The following ZNF536 variants were observed in gnomAD, a reference collection of about 807,000 sequenced individuals.
ZNF536 encodes zinc finger protein 536.
ZNF536 carries 13 observed loss-of-function variants against 84.5 expected under a neutral mutation model. The observed-to-expected ratio is 0.15, with a 90% CI of 0.10 to 0.24. The LOEUF (loss-of-function observed/expected upper bound fraction) is 0.24, where lower values mean the gene tolerates loss of function less well. ZNF536 is among the 10% of genes least tolerant of loss of function. ZNF536 has a pLI of 1.00. For missense variants in ZNF536, 1,536 were observed against 1,747.5 expected, an observed-to-expected ratio of 0.88 and a Z score of 2.16; for synonymous variants, 811 against 742.5, an observed-to-expected ratio of 1.09 and a Z score of -1.50.
Position 30,324,123 on chromosome 19 carries a change from C to A in ZNF536, c.-119-28245C>A, listed in dbSNP as rs554488691. Among the ~76,000 whole-genome samples, 116 of 151,816 alleles carry A rather than the reference C, an allele frequency of 7.6e-4. 1 individual carries two copies. The highest frequency in any genetic ancestry group is 5.7e-4 in the Non-Finnish European group (39 of 67,958). ...TATCATCCATCATCATCCATCTGTCCATCCATCTACCCATGCATCATCCAT... is the reference window on the plus strand; with the variant it reads ...TATCATCCATCATCATCCATCTGTCAATCCATCTACCCATGCATCATCCAT... On this transcript the variant is annotated intron_variant, in intron 2 of 5. Transcript: ENST00000585628.
chr19:30,520,727 G>C (rs1251704651), intron 2 of ZNF536, among the ~76,000 whole-genome samples: 1 of 152,084 alleles, frequency 6.6e-6, no homozygotes, highest in Admixed American at 6.6e-5. Context: ...ACCACCTGCT[G>C]GTTTGCTGTT....
intron 1 of ZNF536, among the ~76,000 whole-genome samples, chr19:30,373,199 C>T (rs1455760531): frequency 6.6e-6 from 1 of 152,106 alleles, no homozygotes; most frequent in Non-Finnish European, 1.5e-5. Context: ...TTTTCTTCCC[C>T]CCGACCTTTT....
chr19:30,290,369 C>T (rs2045794400), intron 2 of ZNF536, among the ~76,000 whole-genome samples: 1 of 152,184 alleles, frequency 6.6e-6, no homozygotes, highest in African/African-American at 2.4e-5. Context: ...CCTTGAACTC[C>T]TGGGCTGAAG....
intron 1 of ZNF536, among the ~76,000 whole-genome samples, chr19:30,281,166 C>T (rs1355597199): frequency 1.3e-5 from 2 of 152,166 alleles, no homozygotes; most frequent in Non-Finnish European, 2.9e-5. Context: ...CTGCTCTTGT[C>T]TCCCCTTCCT....
chr19:30,471,991 A>C (rs1398364651), intron 2 of ZNF536, among the ~76,000 whole-genome samples: 1 of 152,134 alleles, frequency 6.6e-6, no homozygotes, highest in Non-Finnish European at 1.5e-5. Flanking sequence ...GAGGAGCTCC[A>C]TTAGAGGGGG....
chr19:30,606,484 G>A (rs779103778), intron 1 of ZNF536, among the ~76,000 whole-genome samples: 9 of 152,048 alleles, frequency 5.9e-5, no homozygotes, highest in Non-Finnish European at 8.8e-5. Context: ...TGCAGATTTA[G>A]TTCTGAGGGC....
intron 2 of ZNF536, among the ~76,000 whole-genome samples, chr19:30,310,455 C>T (rs983778033): frequency 2.0e-5 from 3 of 152,198 alleles, no homozygotes; most frequent in African/African-American, 7.2e-5. Context: ...ATGCGATCAT[C>T]GGTTTCATGC....
intron 1 of ZNF536, among the ~76,000 whole-genome samples, chr19:30,670,313 C>T (rs1324430398): frequency 6.6e-6 from 1 of 152,212 alleles, no homozygotes; most frequent in African/African-American, 2.4e-5. Context: ...GTTCGAATCC[C>T]GTCTTTTGCC....
intron 1 of ZNF536, among the ~76,000 whole-genome samples, chr19:30,584,932 C>T (rs1404542740): frequency 1.3e-5 from 2 of 151,936 alleles, no homozygotes; most frequent in Non-Finnish European, 2.9e-5. Context: ...CCCCTCTCTA[C>T]AAAAATACTT....
intron 1 of ZNF536, among the ~76,000 whole-genome samples, chr19:30,600,399 T>C (rs2047643698): frequency 1.3e-5 from 2 of 152,046 alleles, no homozygotes; most frequent in African/African-American, 4.8e-5. Flanking sequence ...TGGCCGGCTG[T>C]TTATTAATCT....
chr19:30,530,690 A>G (rs7247158), intron 2 of ZNF536, among the ~76,000 whole-genome samples: 41,491 of 151,984 alleles, frequency 0.27, 6,019 homozygotes, highest in African/African-American at 0.37. Context: ...AGTGGCTAGG[A>G]AAGGGCTGGT....
intron 1 of ZNF536, among the ~76,000 whole-genome samples, chr19:30,262,607 A>C (rs754319134): frequency 3.9e-5 from 6 of 152,126 alleles, no homozygotes; most frequent in Non-Finnish European, 7.4e-5. Context: ...TGGAGATGCA[A>C]TGTGGACTTG....
chr19:30,684,562 A>C (rs1212361303), intron 1 of ZNF536, among the ~76,000 whole-genome samples: 3 of 152,220 alleles, frequency 2.0e-5, no homozygotes, highest in African/African-American at 7.2e-5. Context: ...ATTTTTGCTT[A>C]AGGGCAAAAT....
At chr19:30,337,980 T>A (rs2047435418) in intron 2 of ZNF536, among the ~76,000 whole-genome samples, 1 of 151,310 alleles carries the variant, frequency 6.6e-6, no homozygotes, top group Non-Finnish European at 1.5e-5. Flanking sequence ...ATTGTGATTA[T>A]GATGATGATG....
chr19:30,700,418 T>C (rs1365038072), intron 1 of ZNF536, among the ~76,000 whole-genome samples: 1 of 151,378 alleles, frequency 6.6e-6, no homozygotes, highest in African/African-American at 2.4e-5. Flanking sequence ...TTCAGAGTCT[T>C]GCTCTGTTGC....
At chr19:30,531,477 T>C (rs1195646322) in intron 2 of ZNF536, among the ~76,000 whole-genome samples, 1 of 151,814 alleles carries the variant, frequency 6.6e-6, no homozygotes, top group Non-Finnish European at 1.5e-5. Flanking sequence ...AGGGGGTACA[T>C]GTGCAGGTGT....
At chr19:30,467,116 G>T (rs1163264497) in intron 2 of ZNF536, among the ~76,000 whole-genome samples, 4 of 152,200 alleles carry the variant, frequency 2.6e-5, no homozygotes, top group East Asian at 1.9e-4. Flanking sequence ...GGGATTACAG[G>T]CATGAGCCAC....
chr19:30,459,500 C>G (rs1261892831), intron 2 of ZNF536, among the ~76,000 whole-genome samples: 1 of 151,896 alleles, frequency 6.6e-6, no homozygotes. Context: ...CCAGGTGCAT[C>G]CCATCAAGCC....
chr19:30,527,412 T>C (rs1386227019), intron 2 of ZNF536, among the ~76,000 whole-genome samples: 1 of 151,952 alleles, frequency 6.6e-6, no homozygotes, highest in East Asian at 1.9e-4. Context: ...GGCTCACCAG[T>C]GAGGTCCAAT....
Sources: allele counts gnomAD v4.1 joint callset (sites outside exome capture counted in the v4.1 genomes callset), GRCh38; gene constraint gnomAD v4.1.1; transcripts MANE v1.5; gene names NCBI Gene and HGNC (gene_info 2026-07-23, HGNC 2026-07-21).